Variants in TAF2 observed in about 807,000 individuals in gnomAD.
The protein encoded by TAF2 is TATA-box binding protein associated factor 2, also known as transcription initiation factor TFIID subunit 2.
Under a neutral mutation model 138.5 loss-of-function variants are expected in TAF2, and 61 were observed. The ratio of observed to expected loss-of-function variants is 0.44; its 90% CI spans 0.36 to 0.54. The LOEUF is 0.54. Among genes scored for constraint, TAF2 ranks in the 20% least tolerant of loss-of-function variants. The probability of loss-of-function intolerance (pLI) is 0.00; values close to 1 mark genes in which losing one functional copy is unlikely to be tolerated. For synonymous variants in TAF2, 475 were observed against 469.9 expected (o/e 1.01, Z -0.14); for missense variants, 1,090 against 1,427.9 (o/e 0.76, Z 3.81).
At position 119,828,334 on chromosome 8, in the gene TAF2, C is replaced by T. The variant is rs137895057; in HGVS notation, c.138+3343G>A. 9.5e-4 allele frequency among the ~76,000 whole-genome samples: 144 copies of T among 152,256 alleles called. 1 individual carries two copies. The highest frequency in any genetic ancestry group is 3.4e-3 in the African/African-American group (140 of 41,540). Reference sequence around the variant, plus strand: ...CCCTTGACCACCTTGAGCTCCTCATCCCAAAGAACCAAAAAGCAGAGAAAG... The same window carrying T: ...CCCTTGACCACCTTGAGCTCCTCATTCCAAAGAACCAAAAAGCAGAGAAAG... On this transcript the variant is annotated intron_variant, in intron 2 of 25. Coordinates refer to ENST00000378164, the MANE Select transcript of TAF2 (RefSeq NM_003184.4).
intron 25 of TAF2, among the ~76,000 whole-genome samples, chr8:119,738,115 GTTTT>G (rs1819353893): frequency 6.6e-6 from 1 of 150,960 alleles, no homozygotes; most frequent in Admixed American, 6.6e-5. Context: ...TATATAGTAT[GTTTT>G]ATTTATTCTC....
rs546801045 is a variant in TAF2, at chr8:119,814,163, G to A, written c.299+5183C>T. 2.6e-5 allele frequency among the ~76,000 whole-genome samples: 4 copies of A among 151,922 alleles called. No homozygotes were observed. The East Asian group carries it at 5.8e-4, about 22-fold the overall frequency. ...AAAAAAATTAAGAAAAACATATTAT[G>A]AGCCCTGCCGAACTGGAAGTATTCA... is the stretch of plus-strand genomic sequence containing the variant. On this transcript the variant is annotated intron_variant, in intron 3 of 25. Transcript: ENST00000378164.
At chr8:119,816,974 C>G (rs544781181) in intron 3 of TAF2, among the ~76,000 whole-genome samples, 1 of 152,212 alleles carries the variant, frequency 6.6e-6, no homozygotes, top group African/African-American at 2.4e-5. Context: ...AGAGGATAAA[C>G]AGAAGCAAAA....
chr8:119,759,568 A>T (rs886526473), intron 20 of TAF2, among the ~76,000 whole-genome samples: 4 of 152,108 alleles, frequency 2.6e-5, no homozygotes, highest in East Asian at 1.9e-4. Flanking sequence ...CATATTTTTT[A>T]AAAATTATTT....
Position 119,791,317 on chromosome 8 carries a change from T to C in TAF2, c.1413+7A>G, listed in dbSNP as rs1273590961. 2.5e-6 allele frequency: 4 copies of C among 1,612,988 alleles called. No individual in the cohort carries two copies. The highest frequency in any genetic ancestry group is 3.4e-6 in the Non-Finnish European group (4 of 1,179,488). On this transcript the variant is annotated splice_region_variant and intron_variant, in intron 11 of 25. Coordinates refer to ENST00000378164, the MANE Select transcript of TAF2 (RefSeq NM_003184.4). ...ACCATTGTTAAGTTCTTAACTTTAA[T>C]ACTTACTTGTAGCATAAATTCCATA...
chr8:119,732,619 C>A (rs903043780), intron 25 of TAF2, among the ~76,000 whole-genome samples: 1 of 152,026 alleles, frequency 6.6e-6, no homozygotes, highest in Non-Finnish European at 1.5e-5. Flanking sequence ...GCCTGGCCAA[C>A]GTGGTCAAAC....
At chr8:119,812,604 T>C (rs537581842) in intron 3 of TAF2, among the ~76,000 whole-genome samples, 2 of 152,236 alleles carry the variant, frequency 1.3e-5, no homozygotes, top group South Asian at 2.1e-4. Context: ...TGAGAACATA[T>C]GGTATTTGGT....
At chr8:119,789,990 G>A (rs997808093) in intron 11 of TAF2, among the ~76,000 whole-genome samples, 1 of 151,830 alleles carries the variant, frequency 6.6e-6, no homozygotes, top group Admixed American at 6.6e-5. Flanking sequence ...ATAATATTAA[G>A]AATTATAGTA....
chr8:119,799,018 GAC>G (rs1264315477), intron 6 of TAF2, among the ~76,000 whole-genome samples: 4 of 152,026 alleles, frequency 2.6e-5, no homozygotes, highest in East Asian at 1.9e-4. Flanking sequence ...TCATGTATTT[GAC>G]ACAGAGAAGA....
At chr8:119,787,913 A>G (rs533432259) in intron 14 of TAF2, among the ~76,000 whole-genome samples, 1 of 152,346 alleles carries the variant, frequency 6.6e-6, no homozygotes, top group East Asian at 1.9e-4. Flanking sequence ...CAGCCATAAA[A>G]AAGAATGAGT....
intron 19 of TAF2, among the ~76,000 whole-genome samples, 182 bp downstream of exon 19, chr8:119,762,231 AAG>A (rs1217213240): frequency 1.3e-5 from 2 of 152,218 alleles, no homozygotes; most frequent in Non-Finnish European, 2.9e-5. Context: ...TATGTAGTTA[AAG>A]AGAGAAAAAA....
chr8:119,788,323 T>C lies in TAF2; in HGVS notation c.1793+15A>G. 2.5e-6 allele frequency: 4 copies of C among 1,596,444 alleles called. No homozygotes were observed. Among genetic ancestry groups the C allele is most frequent in the South Asian group, 1.1e-5 (1 of 90,808 alleles). Reference sequence around the variant, plus strand: ...TAGTTTAACTTTCAATTTATAGTTATTATGTAATGCCTACCTTCTACTTTT... The same window carrying C: ...TAGTTTAACTTTCAATTTATAGTTACTATGTAATGCCTACCTTCTACTTTT... On this transcript the variant is annotated intron_variant, in intron 14 of 25. Coordinates refer to ENST00000378164, the MANE Select transcript of TAF2 (RefSeq NM_003184.4).
chr8:119,811,411 C>A (rs1825044506), intron 3 of TAF2, among the ~76,000 whole-genome samples: 2 of 150,216 alleles, frequency 1.3e-5, no homozygotes, highest in Admixed American at 6.6e-5. Context: ...GGAAGTAAAT[C>A]AGAAAGCTAC....
At chr8:119,779,704 T>A (rs1185737329) in intron 17 of TAF2, among the ~76,000 whole-genome samples, 1 of 152,232 alleles carries the variant, frequency 6.6e-6, no homozygotes, top group African/African-American at 2.4e-5. Context: ...AGTGCTGCTG[T>A]GCAACCTACT....
chr8:119,823,109 G>A (rs944007817), intron 2 of TAF2, among the ~76,000 whole-genome samples: 3 of 151,780 alleles, frequency 2.0e-5, no homozygotes, highest in Non-Finnish European at 4.4e-5. Flanking sequence ...AATTTTTTCC[G>A]TGCCTATAAA....
intron 2 of TAF2, among the ~76,000 whole-genome samples, chr8:119,828,233 G>T (rs1294618151): frequency 6.6e-6 from 1 of 152,088 alleles, no homozygotes; most frequent in Non-Finnish European, 1.5e-5. Context: ...ATGTTGAGAG[G>T]TCCTAGTGCC....
intron 3 of TAF2, 134 bp downstream of exon 3, chr8:119,819,212 A>T (rs2131255393): frequency 5.5e-6 from 5 of 914,958 alleles, no homozygotes; most frequent in Non-Finnish European, 6.7e-6. Flanking sequence ...ACAGAGTGGT[A>T]AAACAGATAA....
chr8:119,785,653 G>A lies in TAF2; in HGVS notation c.1794-387C>T, dbSNP rs575650815. ...TACGAATAATTCTGAGCTGTCAGCT[G>A]CATATATGCAAGGTTCTGTCCTATA... On this transcript the variant is annotated intron_variant, in intron 14 of 25. Transcript: ENST00000378164. Among the ~76,000 whole-genome samples the A allele has an allele frequency of 8.5e-5, 13 of 152,270 alleles. No homozygotes were observed. In the South Asian group the frequency reaches 1.2e-3, roughly 15 times the overall value.
chr8:119,794,790 C>A (rs1014207200), intron 9 of TAF2, among the ~76,000 whole-genome samples: 15 of 152,034 alleles, frequency 9.9e-5, no homozygotes, highest in Non-Finnish European at 1.6e-4. Flanking sequence ...CTTAATAGCT[C>A]TAGGTGTTTG....
Sources: gnomAD v4.1 joint callset for allele counts (sites outside exome capture counted in the v4.1 genomes callset) on GRCh38, gnomAD v4.1.1 for gene constraint, MANE v1.5 for transcripts, NCBI Gene and HGNC (gene_info 2026-07-23, HGNC 2026-07-21) for gene names.